The following MACROD2 variants were observed in gnomAD, a reference collection of about 807,000 sequenced individuals.
The protein encoded by MACROD2 is mono-ADP ribosylhydrolase 2.
A neutral mutation model predicts 70.4 loss-of-function variants in MACROD2; 36 were observed. That is an observed-to-expected ratio of 0.51 (90% CI 0.39 to 0.68). The LOEUF (loss-of-function observed/expected upper bound fraction) is 0.68, where lower values mean the gene tolerates loss of function less well. Among genes scored for constraint, MACROD2 ranks in the 30% least tolerant of loss-of-function variants. The pLI is 0.00. For synonymous variants in MACROD2, 172 were observed against 178.8 expected (o/e 0.96, Z 0.30); for missense variants, 496 against 538.4 (o/e 0.92, Z 0.78).
intron 3 of MACROD2, among the ~76,000 whole-genome samples, chr20:14,379,332 G>A (rs2083400936): frequency 6.6e-6 from 1 of 152,010 alleles, no homozygotes; most frequent in African/African-American, 2.4e-5. Flanking sequence ...TGACTTTTTT[G>A]TTGACATAAA....
intron 10 of MACROD2, among the ~76,000 whole-genome samples, chr20:15,916,151 C>A (rs1190873562): frequency 6.6e-6 from 1 of 152,116 alleles, no homozygotes; most frequent in African/African-American, 2.4e-5. Flanking sequence ...TGGAAGTCCT[C>A]ATATACCCCC....
intron 5 of MACROD2, among the ~76,000 whole-genome samples, chr20:14,922,264 C>G (rs2074173085): frequency 6.6e-6 from 1 of 152,082 alleles, no homozygotes; most frequent in African/African-American, 2.4e-5. Flanking sequence ...CCAAGATCTT[C>G]TGTCTTTAGA....
chr20:15,632,322 A>G (rs901593006), intron 8 of MACROD2, among the ~76,000 whole-genome samples: 3 of 152,194 alleles, frequency 2.0e-5, no homozygotes, highest in African/African-American at 7.2e-5. Flanking sequence ...CTGAGCACAT[A>G]CTCTGTATAA....
At chr20:15,929,430 T>G (rs979188669) in intron 10 of MACROD2, among the ~76,000 whole-genome samples, 1 of 149,886 alleles carries the variant, frequency 6.7e-6, no homozygotes, top group Non-Finnish European at 1.5e-5. Context: ...GACACTGATT[T>G]TATATATATA....
At chr20:14,112,701 C>T (rs2054467292) in intron 3 of MACROD2, among the ~76,000 whole-genome samples, 1 of 151,822 alleles carries the variant, frequency 6.6e-6, no homozygotes. Flanking sequence ...TCATTTTCTC[C>T]TATTGTCTTA....
intron 5 of MACROD2, among the ~76,000 whole-genome samples, chr20:15,127,219 T>G (rs1459482405): frequency 6.6e-6 from 1 of 151,984 alleles, no homozygotes; most frequent in Non-Finnish European, 1.5e-5. Context: ...TTCATCAGAG[T>G]GCAGTAGAAG....
At chr20:14,115,834 A>G (rs1428972815) in intron 3 of MACROD2, among the ~76,000 whole-genome samples, 1 of 152,230 alleles carries the variant, frequency 6.6e-6, no homozygotes, top group East Asian at 1.9e-4. Flanking sequence ...TACACAAATT[A>G]TAGTGATTCT....
rs563911530 is a variant in MACROD2, at chr20:14,092,194, A to G, written c.271+6466A>G. Among the ~76,000 whole-genome samples the G allele has an allele frequency of 7.2e-5, 11 of 151,900 alleles. No homozygotes were observed. The East Asian group carries it at 2.1e-3, about 29-fold the overall frequency. On this transcript the variant is annotated intron_variant, in intron 3 of 17. Transcript: ENST00000684519. ...TTTGATATTTATTTTTTATTTTTAA[A>G]TTTTTTTCTCTGCTGTTTGAATCAG...
At position 15,815,267 on chromosome 20, in the gene MACROD2, A is replaced by G. The variant is rs528378420; in HGVS notation, c.646-47478A>G. On this transcript the variant is annotated intron_variant, in intron 8 of 17. Transcript: ENST00000684519. ...AGCTCGCCTGAGTTAGGTAAAATGCACATAACTTATTTTATGGACACCTCT... is the reference window on the plus strand; with the variant it reads ...AGCTCGCCTGAGTTAGGTAAAATGCGCATAACTTATTTTATGGACACCTCT... Among the ~76,000 whole-genome samples, 16 of 152,346 alleles carry G rather than the reference A, an allele frequency of 1.1e-4. No homozygotes were observed. The South Asian group carries it at 3.3e-3, about 32-fold the overall frequency.
intron 4 of MACROD2, among the ~76,000 whole-genome samples, chr20:14,533,656 A>C (rs371722439): frequency 3.3e-4 from 51 of 152,340 alleles, no homozygotes; most frequent in African/African-American, 1.2e-3. Flanking sequence ...ATTAAAAAAC[A>C]AGTTTCTCTT....
intron 8 of MACROD2, among the ~76,000 whole-genome samples, chr20:15,846,007 C>T: frequency 6.6e-6 from 1 of 152,150 alleles, no homozygotes; most frequent in South Asian, 2.1e-4. Flanking sequence ...TCCACGTGGA[C>T]TGGATAGACT....
chr20:14,139,521 T>C (rs2054842328), intron 3 of MACROD2, among the ~76,000 whole-genome samples: 1 of 152,214 alleles, frequency 6.6e-6, no homozygotes, highest in South Asian at 2.1e-4. Context: ...TACTTATATA[T>C]TTTATGTAGA....
intron 5 of MACROD2, among the ~76,000 whole-genome samples, chr20:14,990,554 C>T (rs1441037705): frequency 6.7e-6 from 1 of 149,220 alleles, no homozygotes; most frequent in Non-Finnish European, 1.5e-5. Context: ...CGCTCTGCCG[C>T]CCAGGCTGGA....
intron 5 of MACROD2, among the ~76,000 whole-genome samples, chr20:15,019,479 C>CA (rs1420968726): frequency 3.9e-5 from 6 of 151,906 alleles, no homozygotes; most frequent in East Asian, 3.9e-4. Flanking sequence ...GAGATGGTGA[C>CA]AAAAAAATAG....
intron 5 of MACROD2, among the ~76,000 whole-genome samples, chr20:15,155,251 T>C (rs1284396877): frequency 6.6e-6 from 1 of 152,134 alleles, no homozygotes; most frequent in Non-Finnish European, 1.5e-5. Flanking sequence ...CACCCCTCTT[T>C]CCCTACAGAA....
chr20:14,215,526 C>A (rs568851121), intron 3 of MACROD2, among the ~76,000 whole-genome samples: 12 of 152,240 alleles, frequency 7.9e-5, no homozygotes, highest in African/African-American at 1.9e-4. Context: ...GGTACCCCCC[C>A]AGTAATGGGA....
chr20:16,022,460 T>G, intron 15 of MACROD2, among the ~76,000 whole-genome samples: 1 of 152,208 alleles, frequency 6.6e-6, no homozygotes, highest in Admixed American at 6.5e-5. Context: ...TTAACATTGT[T>G]GTTTTGGTGA....
intron 4 of MACROD2, among the ~76,000 whole-genome samples, chr20:14,538,451 T>A (rs769698404): frequency 2.6e-5 from 4 of 152,194 alleles, no homozygotes; most frequent in Non-Finnish European, 5.9e-5. Flanking sequence ...ATATTTAAAA[T>A]GCAGAAATCA....
intron 3 of MACROD2, among the ~76,000 whole-genome samples, chr20:14,366,912 A>G (rs1446753324): frequency 6.6e-6 from 1 of 152,170 alleles, no homozygotes; most frequent in African/African-American, 2.4e-5. Flanking sequence ...ATTTCTGATT[A>G]GGAAAGGCTT....
Sources: gnomAD v4.1 joint callset for allele counts (sites outside exome capture counted in the v4.1 genomes callset) on GRCh38, gnomAD v4.1.1 for gene constraint, MANE v1.5 for transcripts, NCBI Gene and HGNC (gene_info 2026-07-23, HGNC 2026-07-21) for gene names.